The following NXPH1 variants were observed in gnomAD, a reference collection of about 807,000 sequenced individuals.
NXPH1 encodes the protein neurexophilin-1.
Under a neutral mutation model 23.7 loss-of-function variants are expected in NXPH1, and 5 were observed. That is an observed-to-expected ratio of 0.21 (90% confidence interval 0.11 to 0.44). The LOEUF is 0.44. Among genes scored for constraint, NXPH1 ranks in the 20% least tolerant of loss-of-function variants. NXPH1 has a pLI of 0.99. For missense variants in NXPH1, 324 were observed against 321.6 expected (o/e 1.01, Z -0.06); for synonymous variants, 144 against 122.2 (o/e 1.18, Z -1.18).
rs1205712158 is a variant in NXPH1, at chr7:8,442,292, A to G, written c.54+6525A>G. On this transcript the variant is annotated intron_variant, in intron 2 of 2. Coordinates refer to ENST00000405863, the MANE Select transcript of NXPH1 (RefSeq NM_152745.3). This position sits in a 1 kb window ranked among gnomAD's most constrained non-coding sequence, Gnocchi z 4.6. ...TCTTGTACTGTTTCTTTCTCCCACAATAAGACAAATTGCTGCTTAGAAAAA... is the reference window on the plus strand; with the variant it reads ...TCTTGTACTGTTTCTTTCTCCCACAGTAAGACAAATTGCTGCTTAGAAAAA... Among the ~76,000 whole-genome samples, 4 of 152,204 alleles carry G rather than the reference A, an allele frequency of 2.6e-5. No individual in the cohort carries two copies. Among genetic ancestry groups the G allele is most frequent in the African/African-American group, 7.2e-5 (3 of 41,456 alleles).
At chr7:8,717,868 A>T (rs1265629324) in intron 2 of NXPH1, among the ~76,000 whole-genome samples, 1 of 145,284 alleles carries the variant, frequency 6.9e-6, no homozygotes, top group Non-Finnish European at 1.5e-5. Flanking sequence ...AAACTGGATC[A>T]TGTGGGTGTA....
At chr7:8,635,988 C>G (rs145704642) in intron 2 of NXPH1, among the ~76,000 whole-genome samples, 2 of 152,328 alleles carry the variant, frequency 1.3e-5, no homozygotes, top group East Asian at 3.9e-4. Flanking sequence ...TCTTTCACTA[C>G]ACCCACTGAA....
chr7:8,619,534 GC>G (rs1256955287), intron 2 of NXPH1, among the ~76,000 whole-genome samples: 1 of 152,030 alleles, frequency 6.6e-6, no homozygotes, highest in Non-Finnish European at 1.5e-5. Flanking sequence ...GCATATCCTG[GC>G]TAACCTCATT....
At chr7:8,595,214 T>TAAAC (rs1342711597) in intron 2 of NXPH1, among the ~76,000 whole-genome samples, 2 of 151,840 alleles carry the variant, frequency 1.3e-5, no homozygotes, top group African/African-American at 4.8e-5. Context: ...AATAAATAAA[T>TAAAC]AAACAAATAC....
At chr7:8,538,122 A>G (rs1818057273) in intron 2 of NXPH1, among the ~76,000 whole-genome samples, 2 of 152,060 alleles carry the variant, frequency 1.3e-5, no homozygotes, top group Admixed American at 1.3e-4. Context: ...TGGAACTAAA[A>G]TTAGATAAAA....
At chr7:8,499,301 C>T (rs763193867) in intron 2 of NXPH1, among the ~76,000 whole-genome samples, 8 of 152,038 alleles carry the variant, frequency 5.3e-5, no homozygotes, top group Non-Finnish European at 8.8e-5. Flanking sequence ...GCCCAGGTGA[C>T]CCCCAGCTGT....
intron 2 of NXPH1, among the ~76,000 whole-genome samples, chr7:8,547,858 T>C: frequency 6.6e-6 from 1 of 151,554 alleles, no homozygotes; most frequent in East Asian, 2.0e-4. Context: ...TAGTACTTAA[T>C]GGTATATATA....
intron 2 of NXPH1, chr7:8,690,401 G>A (rs1821205729): frequency 6.6e-6 from 1 of 152,110 alleles, no homozygotes; most frequent in African/African-American, 2.4e-5. Context: ...TTAAACCCAA[G>A]TACTTCACAT....
Position 8,554,349 on chromosome 7 carries a change from A to G in NXPH1, c.54+118582A>G, listed in dbSNP as rs1818322231. The stretch of plus-strand genomic sequence containing the variant: ...ATGATGCACTTGTCAGAGGAGGAGC[A>G]ATACCGACCATATGGTGGGAGATTG... On this transcript the variant is annotated intron_variant, in intron 2 of 2. Coordinates refer to ENST00000405863, the MANE Select transcript of NXPH1 (RefSeq NM_152745.3). Among the ~76,000 whole-genome samples the G allele has an allele frequency of 2.0e-5, 3 of 151,592 alleles. No homozygotes were observed. In the South Asian group the frequency reaches 6.2e-4, roughly 31 times the overall value.
intron 2 of NXPH1, among the ~76,000 whole-genome samples, chr7:8,692,477 G>T (rs1374698791): frequency 6.6e-6 from 1 of 152,194 alleles, no homozygotes; most frequent in Non-Finnish European, 1.5e-5. Context: ...AATAGTTGGT[G>T]ACTAGAATCA....
intron 2 of NXPH1, among the ~76,000 whole-genome samples, chr7:8,717,081 A>T (rs1242203513): frequency 6.6e-6 from 1 of 152,070 alleles, no homozygotes; most frequent in Non-Finnish European, 1.5e-5. Context: ...AAATGTAACC[A>T]TGTCTTCTCT....
intron 2 of NXPH1, among the ~76,000 whole-genome samples, chr7:8,671,941 G>A (rs1186834523): frequency 6.6e-6 from 1 of 152,068 alleles, no homozygotes; most frequent in Admixed American, 6.6e-5. Flanking sequence ...CTTTTTGATG[G>A]GGTTGTTTGT....
intron 2 of NXPH1, among the ~76,000 whole-genome samples, chr7:8,557,958 C>G (rs1818387103): frequency 1.3e-5 from 2 of 151,624 alleles, no homozygotes. Flanking sequence ...TACTTCATCT[C>G]TTCTATGTAG....
At chr7:8,482,571 T>C (rs1335726077) in intron 2 of NXPH1, among the ~76,000 whole-genome samples, 4 of 152,180 alleles carry the variant, frequency 2.6e-5, no homozygotes, top group Non-Finnish European at 5.9e-5. Context: ...TCTGGACTGT[T>C]CTCTATTTTG....
intron 2 of NXPH1, among the ~76,000 whole-genome samples, chr7:8,622,873 G>T (rs79329160): frequency 0.024 from 3,618 of 152,234 alleles, 219 homozygotes; most frequent in East Asian, 0.17. Context: ...ATATATCATA[G>T]GAATATTAAG....
intron 2 of NXPH1, among the ~76,000 whole-genome samples, chr7:8,607,635 C>A (rs1179579923): frequency 6.6e-6 from 1 of 152,082 alleles, no homozygotes; most frequent in Non-Finnish European, 1.5e-5. Context: ...ATAGAGTATC[C>A]CATATACTCA....
At chr7:8,643,417 A>G (rs760100351) in intron 2 of NXPH1, among the ~76,000 whole-genome samples, 7 of 152,198 alleles carry the variant, frequency 4.6e-5, no homozygotes, top group Non-Finnish European at 1.0e-4. Flanking sequence ...TTACATGAAT[A>G]TTCTCAAAAT....
intron 2 of NXPH1, among the ~76,000 whole-genome samples, chr7:8,628,296 G>C (rs1331861681): frequency 2.6e-5 from 4 of 151,234 alleles, no homozygotes; most frequent in African/African-American, 9.7e-5. Context: ...CGAAGTTTCA[G>C]TGAAATTCTA....
chr7:8,563,242 T>C (rs944926502), intron 2 of NXPH1, among the ~76,000 whole-genome samples: 6 of 151,758 alleles, frequency 4.0e-5, no homozygotes, highest in African/African-American at 1.4e-4. Flanking sequence ...TGTACAGCAC[T>C]ACTTAATTAG....
Sources: allele counts gnomAD v4.1 joint callset (sites outside exome capture counted in the v4.1 genomes callset), GRCh38; gene constraint gnomAD v4.1.1; non-coding constraint Gnocchi (gnomAD v3.1); transcripts MANE v1.5; gene names NCBI Gene and HGNC (gene_info 2026-07-23, HGNC 2026-07-21).